Variants in PIKFYVE observed in about 807,000 individuals in gnomAD.
PIKFYVE encodes the protein phosphoinositide kinase, FYVE-type zinc finger containing, also known as 1-phosphatidylinositol 3-phosphate 5-kinase.
PIKFYVE carries 122 observed loss-of-function variants against 257.9 expected under a neutral mutation model. The ratio of observed to expected loss-of-function variants is 0.47; its 90% CI spans 0.41 to 0.55. The LOEUF is 0.55. Among genes scored for constraint, PIKFYVE ranks in the 20% least tolerant of loss-of-function variants. PIKFYVE has a pLI of 0.00. For synonymous variants in PIKFYVE, 892 were observed against 868.9 expected (o/e 1.03, Z -0.47); for missense variants, 2,160 against 2,536.6 (o/e 0.85, Z 3.19).
chr2:208,343,639 T>C (rs954611001), intron 32 of PIKFYVE, among the ~76,000 whole-genome samples: 7 of 152,186 alleles, frequency 4.6e-5, no homozygotes, highest in African/African-American at 7.2e-5. Flanking sequence ...TTAATGTTTT[T>C]GGACTGCAGT....
At chr2:208,332,491 A>G (rs890921257) in intron 23 of PIKFYVE, among the ~76,000 whole-genome samples, 7 of 152,180 alleles carry the variant, frequency 4.6e-5, no homozygotes, top group African/African-American at 1.4e-4. Flanking sequence ...ATAATTGTGG[A>G]TATTTGTAAA....
At chr2:208,328,615 A>C (rs756976138) in intron 21 of PIKFYVE, among the ~76,000 whole-genome samples, 1 of 152,216 alleles carries the variant, frequency 6.6e-6, no homozygotes, top group Non-Finnish European at 1.5e-5. Context: ...ACTTGCATAT[A>C]CTTAATGAGT....
In PIKFYVE at chr2:208,324,049, A is replaced by G. The variant is rs1032200378; in HGVS notation, c.2191-93A>G. 5 of 1,408,674 alleles carry G rather than the reference A, an allele frequency of 3.5e-6. No homozygotes were observed. In the African/African-American group the frequency reaches 5.7e-5, roughly 16 times the overall value. The allele number at this position is 1,408,674 out of a possible 1,614,324, so 87.3% of individuals were successfully genotyped here. A position where few individuals can be genotyped will look rare whatever the true frequency, so the allele number is the denominator to read the frequency against. The stretch of plus-strand genomic sequence containing the variant: ...GAGTAGATTGCAAAAATTTTCTCCC[A>G]TTCTGTAGGTTGCCTGTTCACTCTG... On this transcript the variant is annotated intron_variant, in intron 17 of 41. Coordinates refer to ENST00000264380, the MANE Select transcript of PIKFYVE (RefSeq NM_015040.4).
At chr2:208,299,211 A>T (rs988535617) in intron 8 of PIKFYVE, among the ~76,000 whole-genome samples, 13 of 152,324 alleles carry the variant, frequency 8.5e-5, no homozygotes, top group African/African-American at 3.1e-4. Context: ...GCTTAGCTTC[A>T]GTTTTACTAG....
chr2:208,292,234 G>A lies in PIKFYVE; in HGVS notation c.911+3416G>A, dbSNP rs1445273161. ...GGCCCAGAATGTGGTGTGTTTTGGTGAATGTTCCATGTTACTTGAGAGGAA... is the reference window on the plus strand; with the variant it reads ...GGCCCAGAATGTGGTGTGTTTTGGTAAATGTTCCATGTTACTTGAGAGGAA... On this transcript the variant is annotated intron_variant, in intron 7 of 41. Transcript: ENST00000264380. Among the ~76,000 whole-genome samples the A allele has an allele frequency of 3.9e-5, 6 of 152,024 alleles. No individual in the cohort carries two copies. In the East Asian group the frequency reaches 1.2e-3, roughly 29 times the overall value.
At chr2:208,307,194 G>C (rs1466878725) in intron 12 of PIKFYVE, among the ~76,000 whole-genome samples, 1 of 152,236 alleles carries the variant, frequency 6.6e-6, no homozygotes, top group Non-Finnish European at 1.5e-5. Context: ...TGGAAGTCCA[G>C]CTTGCCCTGA....
At chr2:208,351,514 A>G in intron 38 of PIKFYVE, 59 bp downstream of exon 38, 4 of 1,297,860 alleles carry the variant, frequency 3.1e-6, no homozygotes, top group Non-Finnish European at 4.5e-6. Context: ...CACATCCTGA[A>G]TCTTTCTGTT....
At chr2:208,286,684 C>T (rs1369098141) in intron 6 of PIKFYVE, among the ~76,000 whole-genome samples, 1 of 151,232 alleles carries the variant, frequency 6.6e-6, no homozygotes, top group African/African-American at 2.4e-5. Context: ...CTGTGCTTGG[C>T]TGATTTTTTT....
At chr2:208,345,873 C>T (rs1451297491) in intron 33 of PIKFYVE, among the ~76,000 whole-genome samples, 177 bp from the exon 34 acceptor site, 1 of 151,864 alleles carries the variant, frequency 6.6e-6, no homozygotes, top group Non-Finnish European at 1.5e-5. Context: ...ATATTTCAGA[C>T]TTTTTTTTCT....
Position 208,354,552 on chromosome 2 carries a change from C to T in PIKFYVE, c.6107-19C>T. On this transcript the variant is annotated intron_variant, in intron 40 of 41. Coordinates refer to ENST00000264380, the MANE Select transcript of PIKFYVE (RefSeq NM_015040.4). ...ATTAACATAGCTTTATTGCTAATTT[C>T]ACTCCTTCTACCCCCCAGATTATAT... 1 of 1,587,246 alleles carries T rather than the reference C, an allele frequency of 6.3e-7. No homozygotes were observed. The highest frequency in any genetic ancestry group is 8.7e-7 in the Non-Finnish European group (1 of 1,155,660).
intron 9 of PIKFYVE, 138 bp downstream of exon 9, chr2:208,301,232 A>T: frequency 8.9e-7 from 1 of 1,122,786 alleles, no homozygotes; most frequent in East Asian, 2.6e-5. Flanking sequence ...TTAGGGTGCT[A>T]ATTACTTAAC....
chr2:208,325,712 C>G lies in PIKFYVE; in HGVS notation c.2901C>G (p.Leu967=). The change falls in exon 20 of 42, where the codon CTC becomes CTG. Residue 967 remains leucine (L), a synonymous_variant. Coordinates refer to ENST00000264380, the MANE Select transcript of PIKFYVE (RefSeq NM_015040.4). ...EHSTTACPAG[L]PCAFFAPVPE... is the part of the protein sequence containing the mutation. ...GCACAACAGCTTGCCCGGCGGGTCT[C>G]CCTTGTGCTTTCTTTGCACCTGTAC... 2 of 1,613,552 alleles carry G rather than the reference C, an allele frequency of 1.2e-6. No homozygotes were observed. The highest frequency in any genetic ancestry group is 1.3e-5 in the African/African-American group (1 of 75,016).
intron 17 of PIKFYVE, among the ~76,000 whole-genome samples, chr2:208,322,826 C>T (rs931044157): frequency 8.7e-5 from 13 of 148,796 alleles, no homozygotes; most frequent in Non-Finnish European, 1.5e-4. Context: ...AGGTATATCT[C>T]CTAATGCTAT....
At chr2:208,308,382 CAG>C (rs1418862767) in intron 12 of PIKFYVE, among the ~76,000 whole-genome samples, 2 of 141,630 alleles carry the variant, frequency 1.4e-5, no homozygotes, top group African/African-American at 5.3e-5. Context: ...GCCTCGGTGA[CAG>C]AGTGAGACTT....
chr2:208,326,790 G>C (rs148302436), intron 20 of PIKFYVE, among the ~76,000 whole-genome samples: 3 of 152,216 alleles, frequency 2.0e-5, no homozygotes, highest in Non-Finnish European at 4.4e-5. Flanking sequence ...CTTATTGTAG[G>C]AAATAGATGT....
chr2:208,317,935 T>TA lies in PIKFYVE; in HGVS notation c.2081dup (p.Met695AspfsTer6). The TA allele has an allele frequency of 6.2e-7, 1 of 1,613,442 alleles. No individual in the cohort carries two copies. The highest frequency in any genetic ancestry group is 1.1e-5 in the South Asian group (1 of 91,070). On this transcript the variant is annotated frameshift_variant, in exon 16 of 42. Coordinates refer to ENST00000264380, the MANE Select transcript of PIKFYVE (RefSeq NM_015040.4). LOFTEE classifies it high-confidence loss of function. Reference sequence around the variant, plus strand: ...TTGTTTGTACCAAGAACATTGCACATAAAAAGGTAATGTGATTCAGTTCAG... The same window carrying TA: ...TTGTTTGTACCAAGAACATTGCACATAAAAAAGGTAATGTGATTCAGTTCAG...
chr2:208,344,517 C>T (rs1699038584), intron 32 of PIKFYVE, among the ~76,000 whole-genome samples: 2 of 152,016 alleles, frequency 1.3e-5, no homozygotes, highest in African/African-American at 4.8e-5. Flanking sequence ...AGAGAGTCAA[C>T]CAAATCAAAA....
intron 29 of PIKFYVE, 110 bp downstream of exon 29, chr2:208,338,678 C>A: frequency 1.0e-6 from 1 of 994,582 alleles, no homozygotes. Context: ...TGTTCATAGA[C>A]TTCTTTTCCT....
In PIKFYVE at chr2:208,277,517, A is replaced by C; in HGVS notation, c.442-20A>C. ...TAATCAGTATTTTCAAGAAGCCTTCACACATTTTTATTGTTATAGGATAGT... is the reference window on the plus strand; with the variant it reads ...TAATCAGTATTTTCAAGAAGCCTTCCCACATTTTTATTGTTATAGGATAGT... On this transcript the variant is annotated intron_variant, in intron 4 of 41. Coordinates refer to ENST00000264380, the MANE Select transcript of PIKFYVE (RefSeq NM_015040.4). The C allele has an allele frequency of 3.1e-6, 5 of 1,612,304 alleles. No individual in the cohort carries two copies. Among genetic ancestry groups the C allele is most frequent in the Non-Finnish European group, 4.2e-6 (5 of 1,178,462 alleles).
Sources: allele counts gnomAD v4.1 joint callset (sites outside exome capture counted in the v4.1 genomes callset), GRCh38; gene constraint gnomAD v4.1.1; transcripts MANE v1.5; gene names NCBI Gene and HGNC (gene_info 2026-07-23, HGNC 2026-07-21).